Variants in SLC44A5 observed in about 807,000 individuals in gnomAD.
SLC44A5 encodes solute carrier family 44 member 5.
SLC44A5 carries 57 observed loss-of-function variants against 101.8 expected under a neutral mutation model. The observed-to-expected ratio is 0.56, with a 90% confidence interval of 0.45 to 0.70. SLC44A5 has a LOEUF of 0.70. Ranked by LOEUF, SLC44A5 falls within the 30% of genes least tolerant of loss-of-function variation. The pLI is 0.00. For missense variants in SLC44A5, 737 were observed against 853.1 expected, an observed-to-expected ratio of 0.86 and a Z score of 1.70; for synonymous variants, 281 against 290.9, an observed-to-expected ratio of 0.97 and a Z score of 0.35.
At chr1:75,356,837 C>T (rs1294661574) in intron 3 of SLC44A5, among the ~76,000 whole-genome samples, 3 of 152,148 alleles carry the variant, frequency 2.0e-5, no homozygotes, top group African/African-American at 7.2e-5. Context: ...TACAGAAATA[C>T]TTGCCATTGT....
At chr1:75,541,413 C>G (rs114412189) in intron 2 of SLC44A5, 22 bp downstream of exon 2, 1 of 1,572,058 alleles carries the variant, frequency 6.4e-7, no homozygotes, top group African/African-American at 1.3e-5. Flanking sequence ...TCAAGAGGAA[C>G]TTAATTCAAG....
chr1:75,263,608 GA>G (rs1269007812), intron 6 of SLC44A5, among the ~76,000 whole-genome samples: 4 of 152,158 alleles, frequency 2.6e-5, no homozygotes, highest in Admixed American at 1.3e-4. Context: ...AATACCATTT[GA>G]CCCAGCAATC....
intron 2 of SLC44A5, among the ~76,000 whole-genome samples, chr1:75,455,497 A>G (rs889194140): frequency 2.0e-5 from 3 of 152,158 alleles, no homozygotes; most frequent in Non-Finnish European, 4.4e-5. Context: ...ATTGCAACAA[A>G]AGCAAAAATT....
the SLC44A5 span, among the ~76,000 whole-genome samples, chr1:75,626,753 C>T: frequency 6.6e-6 from 1 of 152,020 alleles, no homozygotes; most frequent in Non-Finnish European, 1.5e-5. Context: ...AATTGATCTC[C>T]CTGACTCCAT....
At chr1:75,679,186 C>A in the SLC44A5 span, among the ~76,000 whole-genome samples, 2 of 152,198 alleles carry the variant, frequency 1.3e-5, no homozygotes, top group East Asian at 3.9e-4. Context: ...GGAAAACACT[C>A]TGCAGGATAT....
At position 75,367,819 on chromosome 1, in the gene SLC44A5, G is replaced by A. The variant is rs148070443; in HGVS notation, c.53-28189C>T. Among the ~76,000 whole-genome samples the A allele has an allele frequency of 4.9e-3, 739 of 152,322 alleles. 10 individuals are homozygous for A. The highest frequency in any genetic ancestry group is 0.017 in the African/African-American group (713 of 41,572). Reference sequence around the variant, plus strand: ...GTCATCAGTCTTAGGGTCTACCAGAGCTTACAATCACTTACTTGGATCCCA... The same window carrying A: ...GTCATCAGTCTTAGGGTCTACCAGAACTTACAATCACTTACTTGGATCCCA... On this transcript the variant is annotated intron_variant, in intron 3 of 23. Transcript: ENST00000370859.
At chr1:75,228,732 A>G (rs1557549579) in intron 12 of SLC44A5, among the ~76,000 whole-genome samples, 1 of 151,640 alleles carries the variant, frequency 6.6e-6, no homozygotes, top group Non-Finnish European at 1.5e-5. Flanking sequence ...CTATTTTTAT[A>G]ATAGATTACC....
intron 1 of SLC44A5, among the ~76,000 whole-genome samples, chr1:75,588,646 C>T (rs910699927): frequency 6.6e-6 from 1 of 152,036 alleles, no homozygotes; most frequent in Non-Finnish European, 1.5e-5. Context: ...ATTTGGGGAA[C>T]ATTGTACCCG....
intron 2 of SLC44A5, among the ~76,000 whole-genome samples, chr1:75,516,519 T>TA (rs1279711159): frequency 2.0e-5 from 3 of 151,854 alleles, no homozygotes; most frequent in South Asian, 4.2e-4. Context: ...TCCGTCTTAC[T>TA]AAAAAAAATT....
At chr1:75,453,222 C>A (rs1158234181) in intron 2 of SLC44A5, among the ~76,000 whole-genome samples, 9 of 152,150 alleles carry the variant, frequency 5.9e-5, no homozygotes, top group African/African-American at 1.4e-4. Context: ...AAATCAATAC[C>A]AAGAAGATCT....
chr1:75,310,833 T>C (rs1216696054), intron 4 of SLC44A5, among the ~76,000 whole-genome samples: 1 of 152,156 alleles, frequency 6.6e-6, no homozygotes, highest in African/African-American at 2.4e-5. Context: ...CTGATATCAG[T>C]AACAGCAAAA....
intron 6 of SLC44A5, among the ~76,000 whole-genome samples, chr1:75,265,005 C>A (rs1444613390): frequency 1.3e-5 from 2 of 152,052 alleles, no homozygotes; most frequent in African/African-American, 4.8e-5. Flanking sequence ...CACCAACAAA[C>A]TAGAAAAATG....
intron 8 of SLC44A5, 43 bp from the exon 9 acceptor site, chr1:75,242,104 A>G (rs757224558): frequency 1.1e-5 from 16 of 1,510,170 alleles, no homozygotes; most frequent in Non-Finnish European, 1.4e-5. Flanking sequence ...AGGCCATGTG[A>G]TGATTACTTT....
At chr1:75,403,716 A>T (rs1662660578) in intron 2 of SLC44A5, among the ~76,000 whole-genome samples, 1 of 152,154 alleles carries the variant, frequency 6.6e-6, no homozygotes, top group African/African-American at 2.4e-5. Flanking sequence ...AAGACCAAAG[A>T]TACATAAATC....
chr1:75,467,243 T>C (rs1482871526), intron 2 of SLC44A5, among the ~76,000 whole-genome samples: 1 of 152,052 alleles, frequency 6.6e-6, no homozygotes, highest in Non-Finnish European at 1.5e-5. Flanking sequence ...GTTGTTAAAA[T>C]GTCCATACTA....
At chr1:75,440,772 GA>G (rs1272656276) in intron 2 of SLC44A5, among the ~76,000 whole-genome samples, 1 of 151,716 alleles carries the variant, frequency 6.6e-6, no homozygotes, top group Non-Finnish European at 1.5e-5. Context: ...ATGAGGGCAA[GA>G]AAAAAACATT....
chr1:75,501,516 T>A (rs1468104518), intron 2 of SLC44A5, among the ~76,000 whole-genome samples: 1 of 152,224 alleles, frequency 6.6e-6, no homozygotes, highest in Non-Finnish European at 1.5e-5. Flanking sequence ...CCAGTAAGCA[T>A]AACTGATAAT....
chr1:75,502,335 C>T (rs1255480041), intron 2 of SLC44A5, among the ~76,000 whole-genome samples: 2 of 152,134 alleles, frequency 1.3e-5, no homozygotes, highest in Non-Finnish European at 2.9e-5. Context: ...CTGAATAAGA[C>T]TAAACACTGA....
At chr1:75,530,071 C>T (rs1049348136) in intron 2 of SLC44A5, among the ~76,000 whole-genome samples, 7 of 151,702 alleles carry the variant, frequency 4.6e-5, no homozygotes, top group African/African-American at 1.7e-4. Context: ...TTTTTTGAGA[C>T]GGAGTCTTGC....
Sources: allele counts gnomAD v4.1 joint callset (sites outside exome capture counted in the v4.1 genomes callset), GRCh38; gene constraint gnomAD v4.1.1; transcripts MANE v1.5; gene names NCBI Gene and HGNC (gene_info 2026-07-23, HGNC 2026-07-21).